Variants in ARHGEF33 observed in about 807,000 individuals in gnomAD.
The protein encoded by ARHGEF33 is Rho guanine nucleotide exchange factor 33.
Under a neutral mutation model 101.9 loss-of-function variants are expected in ARHGEF33, and 72 were observed. That is an observed-to-expected ratio of 0.71 (90% CI 0.58 to 0.86). The LOEUF (loss-of-function observed/expected upper bound fraction) is 0.86. Ranked by LOEUF, ARHGEF33 falls within the 40% of genes least tolerant of loss-of-function variation. The pLI, the probability that ARHGEF33 is intolerant of heterozygous loss-of-function variation, is 0.00. For synonymous variants in ARHGEF33, 499 were observed against 442.5 expected (o/e 1.13, Z -1.60); for missense variants, 1,169 against 1,111.3 (o/e 1.05, Z -0.74).
rs1028123911 is a variant in ARHGEF33, at chr2:38,951,069, G to C, written c.1001G>C (p.Trp334Ser). The change falls in exon 11 of 18, where the codon TGG (tryptophan) becomes TCG (serine). Residue 334 changes from tryptophan (W) to serine (S), a missense_variant. Coordinates refer to ENST00000409978, the MANE Select transcript of ARHGEF33 (RefSeq NM_001145451.5). Reference sequence around the variant, plus strand: ...GCACTGCAGGAAAGGGTCCTGAAGTGGCCACGCCAAGGCGTTCTTGGAGAT... The same window carrying C: ...GCACTGCAGGAAAGGGTCCTGAAGTCGCCACGCCAAGGCGTTCTTGGAGAT... ...LHALQERVLK[W>S]PRQGVLGDLF... 3 of 1,551,866 alleles carry C rather than the reference G, an allele frequency of 1.9e-6. No homozygotes were observed. Among genetic ancestry groups the C allele is most frequent in the Admixed American group, 3.9e-5 (2 of 50,990 alleles).
At chr2:38,934,194 T>G (rs1261064737) in intron 7 of ARHGEF33, among the ~76,000 whole-genome samples, 1 of 152,208 alleles carries the variant, frequency 6.6e-6, no homozygotes, top group African/African-American at 2.4e-5. Flanking sequence ...CCCACCTTCT[T>G]GAAACATTCT....
intron 6 of ARHGEF33, among the ~76,000 whole-genome samples, chr2:38,930,690 G>A (rs937540218): frequency 6.6e-6 from 1 of 152,170 alleles, no homozygotes; most frequent in Admixed American, 6.5e-5. Flanking sequence ...TAGAAATGTA[G>A]GAATAATATG....
rs1009616754 is a variant in ARHGEF33 at position 38,929,073 on chromosome 2, T to A, written c.240+2T>A. 6.5e-7 allele frequency: 1 copy of A among 1,544,294 alleles called. No homozygotes were observed. On this transcript the variant is annotated splice_donor_variant, in intron 5 of 17. Transcript: ENST00000409978. LOFTEE classifies it high-confidence loss of function. Reference sequence around the variant, plus strand: ...AAGAATTCATTAAACTATTTCAAGGTAGGCCTCTCTTTAATTTCCCTGCTG... The same window carrying A: ...AAGAATTCATTAAACTATTTCAAGGAAGGCCTCTCTTTAATTTCCCTGCTG...
Position 38,960,145 on chromosome 2 carries a change from G to A in ARHGEF33, c.1840G>A (p.Glu614Lys). 2 of 1,543,018 alleles carry A rather than the reference G, an allele frequency of 1.3e-6. No homozygotes were observed. The highest frequency in any genetic ancestry group is 1.7e-6 in the Non-Finnish European group (2 of 1,145,562). Residue 614 changes from glutamate (E) to lysine (K), a missense_variant, in exon 16 of 18, where the codon GAA becomes AAA. Transcript: ENST00000409978. ...DARGFVPAAY[E>K]EFEYGGEIFA... ...CCGCGGCTTCGTGCCCGCGGCCTAC[G>A]AAGAGTTCGAGTACGGCGGCGAGAT... is the stretch of plus-strand genomic sequence containing the variant.
intron 1 of ARHGEF33, among the ~76,000 whole-genome samples, chr2:38,893,729 A>G (rs890594316): frequency 7.9e-5 from 12 of 152,200 alleles, no homozygotes; most frequent in African/African-American, 2.9e-4. Flanking sequence ...TTTATGTGGT[A>G]TATGCTTATT....
chr2:38,938,348 A>G (rs1344440768), intron 9 of ARHGEF33, among the ~76,000 whole-genome samples: 1 of 152,144 alleles, frequency 6.6e-6, no homozygotes, highest in Admixed American at 6.5e-5. Context: ...AGCCTGGGCA[A>G]CATAGTGAGA....
At position 38,974,535 on chromosome 2, in the gene ARHGEF33, G is replaced by A. The variant is rs1668235016; in HGVS notation, c.*692G>A. ...ATTTCTGTAGAAACTGGGGAGAGAG[G>A]AAGGCAAAGAAACATTTTCCCTTGT... On this transcript the variant is annotated 3_prime_UTR_variant, in exon 18 of 18. Coordinates refer to ENST00000409978, the MANE Select transcript of ARHGEF33 (RefSeq NM_001145451.5). 1 of 152,200 alleles carries A rather than the reference G, an allele frequency of 6.6e-6. No homozygotes were observed. The highest frequency in any genetic ancestry group is 2.4e-5 in the African/African-American group (1 of 41,432). 9.4% of individuals were successfully genotyped at this position (152,200 alleles called of 1,614,324 possible). A position where few individuals can be genotyped will look rare whatever the true frequency, so the allele number is the denominator to read the frequency against.
At chr2:38,910,824 T>C (rs1254819793) in intron 2 of ARHGEF33, among the ~76,000 whole-genome samples, 1 of 152,206 alleles carries the variant, frequency 6.6e-6, no homozygotes, top group East Asian at 1.9e-4. Context: ...TACCTTTTTT[T>C]AGTGACAATG....
At chr2:38,933,997 C>T (rs1667068247) in intron 7 of ARHGEF33, among the ~76,000 whole-genome samples, 1 of 152,228 alleles carries the variant, frequency 6.6e-6, no homozygotes, top group Non-Finnish European at 1.5e-5. Context: ...TTTCCCCACT[C>T]AAGAAACTCT....
chr2:38,910,600 A>G (rs1666487989), intron 2 of ARHGEF33, among the ~76,000 whole-genome samples: 1 of 152,216 alleles, frequency 6.6e-6, no homozygotes, highest in African/African-American at 2.4e-5. Context: ...AGAGAGAAAG[A>G]AATTATTGGC....
chr2:38,967,906 C>T lies in ARHGEF33; in HGVS notation c.2483+1761C>T, dbSNP rs146715634. Reference sequence around the variant, plus strand: ...GACTCCTGAATCCTTCTAAGGACTGCAAAATCCTAAGGGCACAGCTTGAGC... The same window carrying T: ...GACTCCTGAATCCTTCTAAGGACTGTAAAATCCTAAGGGCACAGCTTGAGC... On this transcript the variant is annotated intron_variant, in intron 17 of 17. Coordinates refer to ENST00000409978, the MANE Select transcript of ARHGEF33 (RefSeq NM_001145451.5). Among the ~76,000 whole-genome samples, 201 of 148,870 alleles carry T rather than the reference C, an allele frequency of 1.4e-3. 1 individual carries two copies. The highest frequency in any genetic ancestry group is 4.5e-3 in the African/African-American group (183 of 40,466).
chr2:38,918,533 C>A (rs981268777), intron 2 of ARHGEF33, among the ~76,000 whole-genome samples: 2 of 152,120 alleles, frequency 1.3e-5, no homozygotes, highest in Non-Finnish European at 2.9e-5. Flanking sequence ...GGCCAGTATC[C>A]ACAACACTGA....
At chr2:38,922,377 T>G (rs2124993236) in intron 4 of ARHGEF33, among the ~76,000 whole-genome samples, 1 of 152,122 alleles carries the variant, frequency 6.6e-6, no homozygotes, top group Middle Eastern at 3.4e-3. Flanking sequence ...TCCAGAAGGG[T>G]AGATAGTTTA....
intron 15 of ARHGEF33, among the ~76,000 whole-genome samples, chr2:38,958,527 A>C (rs1043606127): frequency 2.0e-5 from 3 of 152,202 alleles, no homozygotes; most frequent in Non-Finnish European, 4.4e-5. Flanking sequence ...CAGACTCAAC[A>C]ATATGGCTGC....
intron 8 of ARHGEF33, among the ~76,000 whole-genome samples, chr2:38,936,574 G>C (rs371786962): frequency 1.3e-5 from 2 of 152,312 alleles, no homozygotes; most frequent in East Asian, 3.9e-4. Context: ...AGGATGTATA[G>C]ACCAGAAACA....
At chr2:38,927,592 A>T (rs908738688) in intron 4 of ARHGEF33, among the ~76,000 whole-genome samples, 1 of 152,228 alleles carries the variant, frequency 6.6e-6, no homozygotes, top group African/African-American at 2.4e-5. Flanking sequence ...GCTACTTGGG[A>T]GGCTGAGGCA....
chr2:38,926,134 A>G (rs1361372487), intron 4 of ARHGEF33, among the ~76,000 whole-genome samples: 1 of 152,188 alleles, frequency 6.6e-6, no homozygotes, highest in South Asian at 2.1e-4. Context: ...TTCGAAGTAC[A>G]AGTCTTCCCT....
chr2:38,911,254 G>A (rs1178842622), intron 2 of ARHGEF33, among the ~76,000 whole-genome samples: 1 of 152,162 alleles, frequency 6.6e-6, no homozygotes, highest in African/African-American at 2.4e-5. Context: ...TTGTCCTGAT[G>A]AATTATTTTA....
chr2:38,926,229 C>T (rs1318785725), intron 4 of ARHGEF33, among the ~76,000 whole-genome samples: 1 of 152,168 alleles, frequency 6.6e-6, no homozygotes, highest in Non-Finnish European at 1.5e-5. Context: ...AAAAAATCAA[C>T]GAGATGAGGA....
Sources: gnomAD v4.1 joint callset for allele counts (sites outside exome capture counted in the v4.1 genomes callset) on GRCh38, gnomAD v4.1.1 for gene constraint, MANE v1.5 for transcripts, NCBI Gene and HGNC (gene_info 2026-07-23, HGNC 2026-07-21) for gene names.